SLC2A2: variants seen among roughly 807,000 people sequenced by gnomAD.
The protein encoded by SLC2A2 is solute carrier family 2 member 2.
Under a neutral mutation model 54.5 loss-of-function variants are expected in SLC2A2, and 36 were observed. The ratio of observed to expected loss-of-function variants is 0.66; its 90% CI spans 0.51 to 0.87. The LOEUF (loss-of-function observed/expected upper bound fraction) is 0.87. Ranked by LOEUF, SLC2A2 falls within the 40% of genes least tolerant of loss-of-function variation. The probability of loss-of-function intolerance (pLI) is 0.00; values close to 1 mark genes in which losing one functional copy is unlikely to be tolerated. For synonymous variants in SLC2A2, 223 were observed against 219.1 expected (o/e 1.02, Z -0.16); for missense variants, 543 against 624.3 (o/e 0.87, Z 1.39).
At chr3:171,009,191 C>A (rs957310148) in intron 4 of SLC2A2, among the ~76,000 whole-genome samples, 1 of 152,056 alleles carries the variant, frequency 6.6e-6, no homozygotes, top group African/African-American at 2.4e-5. Context: ...AATGATTCTC[C>A]CTTTCTTCAG....
chr3:171,018,256 C>T (rs1053530132), intron 2 of SLC2A2, among the ~76,000 whole-genome samples: 1 of 151,824 alleles, frequency 6.6e-6, no homozygotes, highest in African/African-American at 2.4e-5. Context: ...TATCCTTCAG[C>T]ACATGATATT....
chr3:171,019,083 A>G (rs1716303291), intron 1 of SLC2A2, among the ~76,000 whole-genome samples: 1 of 93,816 alleles, frequency 1.1e-5, no homozygotes, highest in Non-Finnish European at 2.0e-5. Flanking sequence ...GTGTATATAT[A>G]TATGTGTGTG....
chr3:171,002,444 T>C, intron 8 of SLC2A2, 132 bp downstream of exon 8: 1 of 699,614 alleles, frequency 1.4e-6, no homozygotes, highest in Non-Finnish European at 2.6e-6. Context: ...TTCTCATGAC[T>C]CACTTGGGTT....
intron 8 of SLC2A2, among the ~76,000 whole-genome samples, chr3:171,001,922 C>A (rs1715353339): frequency 6.8e-6 from 1 of 146,186 alleles, no homozygotes. Flanking sequence ...GAGTATATGA[C>A]TTTTTTTTTT....
intron 2 of SLC2A2, among the ~76,000 whole-genome samples, chr3:171,016,852 C>CTTT (rs201071901): frequency 1.7e-5 from 2 of 114,332 alleles, no homozygotes; most frequent in Admixed American, 8.6e-5. Context: ...TTAATTTTTT[C>CTTT]TTTTTTTTTT....
In SLC2A2 at chr3:170,997,751, T is replaced by A; in HGVS notation, c.*152A>T. 14 of 692,806 alleles carry A rather than the reference T, an allele frequency of 2.0e-5. No individual in the cohort carries two copies. The highest frequency in any genetic ancestry group is 3.4e-5 in the Non-Finnish European group (14 of 408,518). The allele number at this position is 692,806 out of a possible 1,614,324, so 42.9% of individuals were successfully genotyped here. A position where few individuals can be genotyped will look rare whatever the true frequency, so the allele number is the denominator to read the frequency against. ...ATATTCTCTAACTTAAAAAAATACT[T>A]TTTTGGTAATATTTGATGACATTTC... On this transcript the variant is annotated 3_prime_UTR_variant, in exon 11 of 11. Transcript: ENST00000314251.
Position 171,002,563 on chromosome 3 carries a change from G to A in SLC2A2, c.1068+13C>T. 1.3e-6 allele frequency: 2 copies of A among 1,523,904 alleles called. No homozygotes were observed. The highest frequency in any genetic ancestry group is 1.1e-5 in the South Asian group (1 of 88,806). 94.4% of individuals were successfully genotyped at this position (1,523,904 alleles called of 1,614,324 possible). A position where few individuals can be genotyped will look rare whatever the true frequency, so the allele number is the denominator to read the frequency against. On this transcript the variant is annotated intron_variant, in intron 8 of 10. Transcript: ENST00000314251. ...AGGAACAAGCAGAGTATTTATCTAG[G>A]GCATTGACTTACAGAGACAGCAGTG...
intron 1 of SLC2A2, among the ~76,000 whole-genome samples, chr3:171,025,262 C>A (rs2129019): frequency 0.38 from 56,415 of 150,324 alleles, 12,428 homozygotes; most frequent in African/African-American, 0.62. Flanking sequence ...CTTTAAATAT[C>A]AAACATATAA....
At position 171,010,503 on chromosome 3, in the gene SLC2A2, A is replaced by G. The variant is rs1715835010; in HGVS notation, c.372-421T>C. On this transcript the variant is annotated intron_variant, in intron 3 of 10. Transcript: ENST00000314251. ...AAGATAACACTTATGACAGTTTTTC[A>G]AAGAGTTAACTAAGTTTTCTCTAAG... 3.9e-5 allele frequency among the ~76,000 whole-genome samples: 6 copies of G among 152,272 alleles called. No individual in the cohort carries two copies. The South Asian group carries it at 1.2e-3, about 32-fold the overall frequency.
At chr3:171,000,994 G>A (rs1715309510) in intron 8 of SLC2A2, among the ~76,000 whole-genome samples, 1 of 151,894 alleles carries the variant, frequency 6.6e-6, no homozygotes, top group East Asian at 1.9e-4. Context: ...TAATGATTTG[G>A]ACTGGTTTTA....
In SLC2A2 at chr3:171,007,327, G is replaced by C. The variant is rs731207; in HGVS notation, c.497-64C>G. On this transcript the variant is annotated intron_variant, in intron 4 of 10. Coordinates refer to ENST00000314251, the MANE Select transcript of SLC2A2 (RefSeq NM_000340.2). ...GGACTATCTCAATAATAACAATTTG[G>C]TTTAAGTACAGTATATATCTTGAAT... 321 of 982,732 alleles carry C rather than the reference G, an allele frequency of 3.3e-4. 1 individual carries two copies. In the African/African-American group the frequency reaches 4.8e-3, roughly 15 times the overall value. The allele number at this position is 982,732 out of a possible 1,614,324, so 60.9% of individuals were successfully genotyped here.
In SLC2A2 at chr3:171,005,383, C is replaced by T; in HGVS notation, c.865G>A (p.Val289Ile). 1 of 1,612,406 alleles carries T rather than the reference C, an allele frequency of 6.2e-7. No individual in the cohort carries two copies. Among genetic ancestry groups the T allele is most frequent in the Non-Finnish European group, 8.5e-7 (1 of 1,178,794 alleles). ...TTGGTGAAGAGCTGAATTATAGAGA[C>T]TTTCTGCTCACTCGATGCTTCTTCT... ...EREEASSEQK[V>I]SIIQLFTNSS... The change falls in exon 7 of 11, where the codon GTC (valine) becomes ATC (isoleucine). Residue 289 changes from valine to isoleucine, a missense_variant. Transcript: ENST00000314251.
intron 8 of SLC2A2, among the ~76,000 whole-genome samples, chr3:170,999,646 G>T (rs114636534): frequency 0.011 from 1,700 of 152,140 alleles, 28 homozygotes; most frequent in African/African-American, 0.03. Flanking sequence ...AACTGTTCAG[G>T]TGTCAACTAT....
At position 170,999,177 on chromosome 3, in the gene SLC2A2, T is replaced by G; in HGVS notation, c.1069-11A>C. ...CTCCACAAGGAATACCTAGGACAAT[T>G]TTAAAGAAATTATCTCAGTTTTGTG... On this transcript the variant is annotated splice_polypyrimidine_tract_variant and intron_variant, in intron 8 of 10. Transcript: ENST00000314251. The G allele has an allele frequency of 6.5e-7, 1 of 1,541,056 alleles. No homozygotes were observed. The highest frequency in any genetic ancestry group is 1.7e-4 in the Middle Eastern group (1 of 5,942).
intron 1 of SLC2A2, among the ~76,000 whole-genome samples, chr3:171,026,373 T>TC (rs1560044859): frequency 6.7e-6 from 1 of 150,356 alleles, no homozygotes; most frequent in East Asian, 1.9e-4. Flanking sequence ...GCCCCCTTTT[T>TC]TTTTTTTTTT....
At position 171,000,587 on chromosome 3, in the gene SLC2A2, G is replaced by C. The variant is rs193030410; in HGVS notation, c.1069-1421C>G. On this transcript the variant is annotated intron_variant, in intron 8 of 10. Transcript: ENST00000314251. ...TCTTAGTTCCAATTTGGTAGTCACC[G>C]CTTCTTTCTCAGTGTCATCCTGCTT... Among the ~76,000 whole-genome samples, 471 of 152,080 alleles carry C rather than the reference G, an allele frequency of 3.1e-3. 2 individuals carry two copies. The highest frequency in any genetic ancestry group is 0.011 in the African/African-American group (455 of 41,506).
At chr3:171,022,653 C>G (rs575411075) in intron 1 of SLC2A2, among the ~76,000 whole-genome samples, 1 of 152,318 alleles carries the variant, frequency 6.6e-6, no homozygotes, top group East Asian at 1.9e-4. Flanking sequence ...ACTGTCACCT[C>G]CTGCTTCATC....
chr3:171,002,607 C>T lies in SLC2A2; in HGVS notation c.1037G>A (p.Gly346Asp), dbSNP rs764683908. Residue 346 changes from glycine to aspartate, a missense_variant, in exon 8 of 11, where the codon GGC (glycine) becomes GAC (aspartate). Gly to Asp is a moderately conservative substitution (Grantham distance 94). Transcript: ENST00000314251. ...SKPVYATIGV[G>D]AVNMVFTAVS... ...AGCAGTGAAAACCATGTTTACAGCG[C>T]CAACTCCAATGGTTGCATAAACAGG... The T allele has an allele frequency of 1.2e-6, 2 of 1,610,880 alleles. No homozygotes were observed. Among genetic ancestry groups the T allele is most frequent in the Admixed American group, 1.7e-5 (1 of 59,764 alleles).
rs1257905478 is a variant in SLC2A2, at chr3:171,006,227, A to G, written c.613-122T>C. The G allele has an allele frequency of 5.0e-6, 4 of 803,034 alleles. No individual in the cohort carries two copies. The Admixed American group carries it at 7.5e-5, about 15-fold the overall frequency. 49.7% of individuals were successfully genotyped at this position (803,034 alleles called of 1,614,324 possible). A position where few individuals can be genotyped will look rare whatever the true frequency, so the allele number is the denominator to read the frequency against. On this transcript the variant is annotated intron_variant, in intron 5 of 10. Transcript: ENST00000314251. Reference sequence around the variant, plus strand: ...GTCTCTGACAACTTTGGTTCAAGTAAAAACGGAAACTGTTACTATTGTATC... The same window carrying G: ...GTCTCTGACAACTTTGGTTCAAGTAGAAACGGAAACTGTTACTATTGTATC...
Sources: gnomAD v4.1 joint callset for allele counts (sites outside exome capture counted in the v4.1 genomes callset) on GRCh38, gnomAD v4.1.1 for gene constraint, MANE v1.5 for transcripts, NCBI Gene and HGNC (gene_info 2026-07-23, HGNC 2026-07-21) for gene names.